Variants in TLN2 observed in about 807,000 individuals in gnomAD.
TLN2 encodes talin-2.
A neutral mutation model predicts 294.7 loss-of-function variants in TLN2; 118 were observed. The ratio of observed to expected loss-of-function variants is 0.40; its 90% CI spans 0.34 to 0.47. The LOEUF is 0.47. Ranked by LOEUF, TLN2 falls within the 20% of genes least tolerant of loss-of-function variation. The pLI is 0.84. For missense variants in TLN2, 3,083 were observed against 3,282.2 expected (o/e 0.94, Z 1.48); for synonymous variants, 1,431 against 1,304.5 (o/e 1.10, Z -2.09).
intron 1 of TLN2, among the ~76,000 whole-genome samples, chr15:62,506,115 G>A (rs1181669402): frequency 2.0e-5 from 3 of 152,210 alleles, no homozygotes; most frequent in Non-Finnish European, 4.4e-5. Context: ...CAAGTTTCCT[G>A]TTAATTTTTC....
intron 3 of TLN2, among the ~76,000 whole-genome samples, chr15:62,619,142 A>G (rs982982124): frequency 1.3e-5 from 2 of 152,116 alleles, no homozygotes; most frequent in Non-Finnish European, 2.9e-5. Context: ...TTTTTTCTCA[A>G]AACAGTATAT....
chr15:62,504,200 G>A lies in TLN2; in HGVS notation c.-237-85487G>A, dbSNP rs865863506. 7.2e-5 allele frequency among the ~76,000 whole-genome samples: 11 copies of A among 152,276 alleles called. No individual in the cohort carries two copies. In the Middle Eastern group the frequency reaches 0.01, roughly 141 times the overall value. On this transcript the variant is annotated intron_variant, in intron 1 of 58. Transcript: ENST00000636159. ...TCTCAAATAAAAGGAAACAGATACC[G>A]TTTTTATAGATTAGAAGACAACATT...
At chr15:62,694,481 C>A in intron 14 of TLN2, 89 bp downstream of exon 14, 1 of 1,057,934 alleles carries the variant, frequency 9.5e-7, no homozygotes, top group East Asian at 2.4e-5. Flanking sequence ...GCTCTGAAGC[C>A]TGTCACCTGG....
At chr15:62,469,327 G>A (rs1276053572) in intron 1 of TLN2, among the ~76,000 whole-genome samples, 2 of 152,204 alleles carry the variant, frequency 1.3e-5, no homozygotes, top group Non-Finnish European at 1.5e-5. Flanking sequence ...AGCACACACA[G>A]TGAATCAGAA....
At chr15:62,417,092 G>A (rs1449061134) in intron 1 of TLN2, among the ~76,000 whole-genome samples, 1 of 152,140 alleles carries the variant, frequency 6.6e-6, no homozygotes, top group African/African-American at 2.4e-5. Context: ...TGGAGATGGC[G>A]TCAGGTGTTA....
intron 1 of TLN2, among the ~76,000 whole-genome samples, chr15:62,500,369 A>G (rs1354513910): frequency 6.6e-6 from 1 of 152,202 alleles, no homozygotes; most frequent in Admixed American, 6.5e-5. Context: ...AAATGAATGC[A>G]GCAGGGCTTT....
intron 1 of TLN2, among the ~76,000 whole-genome samples, chr15:62,562,005 C>T (rs1310837336): frequency 6.6e-6 from 1 of 152,118 alleles, no homozygotes; most frequent in Non-Finnish European, 1.5e-5. Context: ...TTAAATGATA[C>T]CTTTGCTTCT....
intron 3 of TLN2, among the ~76,000 whole-genome samples, chr15:62,623,497 C>G (rs1210970067): frequency 6.6e-6 from 1 of 152,134 alleles, no homozygotes; most frequent in Non-Finnish European, 1.5e-5. Context: ...TCTAAGTTCA[C>G]TCTGTGGTTC....
At chr15:62,736,099 T>G (rs563359632) in intron 28 of TLN2, among the ~76,000 whole-genome samples, 2 of 152,104 alleles carry the variant, frequency 1.3e-5, no homozygotes, top group South Asian at 4.2e-4. Context: ...GATCATGAGG[T>G]CAGGAGATCG....
chr15:62,545,017 C>T (rs1489321125), intron 1 of TLN2, among the ~76,000 whole-genome samples: 2 of 152,020 alleles, frequency 1.3e-5, no homozygotes, highest in African/African-American at 2.4e-5. Context: ...GCAAGCTCCA[C>T]CTCCTGGGCT....
In TLN2 at chr15:62,825,812, ATT is replaced by A. The variant is rs1567687445; in HGVS notation, c.7002+5203_7002+5204del. Reference sequence around the variant, plus strand: ...TATTATAATATATATTATATATTATATTATAATATATATTATAATATATAATA... The same window carrying A: ...TATTATAATATATATTATATATTATAATAATATATATTATAATATATAATA... On this transcript the variant is annotated intron_variant, in intron 54 of 58. Transcript: ENST00000636159. 1.0e-3 allele frequency among the ~76,000 whole-genome samples: 76 copies of A among 75,946 alleles called. 11 individuals carry two copies. Among genetic ancestry groups the A allele is most frequent in the African/African-American group, 6.7e-3 (73 of 10,862 alleles). The allele number at this position is 75,946 out of a possible 152,430, so 49.8% of individuals were successfully genotyped here.
At chr15:62,736,281 C>G (rs2061006115) in intron 28 of TLN2, among the ~76,000 whole-genome samples, 2 of 150,288 alleles carry the variant, frequency 1.3e-5, no homozygotes, top group African/African-American at 4.9e-5. Context: ...GATCGCGCCA[C>G]TGCACTCCAG....
At chr15:62,692,086 GT>G (rs1326556727) in intron 12 of TLN2, among the ~76,000 whole-genome samples, 2 of 152,232 alleles carry the variant, frequency 1.3e-5, no homozygotes, top group Admixed American at 6.5e-5. Context: ...TGCAATGACA[GT>G]TTTATTCTCT....
intron 9 of TLN2, 105 bp downstream of exon 9, chr15:62,658,003 C>G: frequency 2.7e-6 from 3 of 1,128,078 alleles, no homozygotes; most frequent in Non-Finnish European, 3.7e-6. Flanking sequence ...TAATTTCAAT[C>G]ATTTGTGAGA....
intron 14 of TLN2, among the ~76,000 whole-genome samples, chr15:62,695,725 A>G (rs1432782303): frequency 6.6e-6 from 1 of 152,222 alleles, no homozygotes; most frequent in South Asian, 2.1e-4. Context: ...CAAACTTGAT[A>G]TGATAAGTTT....
intron 23 of TLN2, among the ~76,000 whole-genome samples, chr15:62,716,724 A>T (rs1001440014): frequency 1.1e-4 from 16 of 152,162 alleles, no homozygotes; most frequent in African/African-American, 2.9e-4. Context: ...ATTAAAGGAT[A>T]TACACATTCA....
Position 62,836,775 on chromosome 15 carries a change from T to G in TLN2, c.7374+702T>G, listed in dbSNP as rs1051228908. On this transcript the variant is annotated intron_variant, in intron 57 of 58. Coordinates refer to ENST00000636159, the MANE Select transcript of TLN2 (RefSeq NM_015059.3). ...ATCACACAGCCCCAACATCTTCATA[T>G]AGCAAACGTTATCATTGCTTTCTGT... 2.6e-5 allele frequency among the ~76,000 whole-genome samples: 4 copies of G among 152,374 alleles called. No homozygotes were observed. In the South Asian group the frequency reaches 8.3e-4, roughly 32 times the overall value.
chr15:62,832,906 GTTTTGA>G (rs1413570060), intron 54 of TLN2: 2 of 151,670 alleles, frequency 1.3e-5, no homozygotes, highest in Admixed American at 6.6e-5. Flanking sequence ...ATGATCTACT[GTTTTGA>G]TTTTATTATT....
intron 2 of TLN2, among the ~76,000 whole-genome samples, chr15:62,615,774 ATCATATT>A (rs2140838548): frequency 6.6e-6 from 1 of 152,326 alleles, no homozygotes; most frequent in Non-Finnish European, 1.5e-5. Flanking sequence ...AAGGAGTCTC[ATCATATT>A]TATGACCCTT....
Sources: gnomAD v4.1 joint callset for allele counts (sites outside exome capture counted in the v4.1 genomes callset) on GRCh38, gnomAD v4.1.1 for gene constraint, MANE v1.5 for transcripts, NCBI Gene and HGNC (gene_info 2026-07-23, HGNC 2026-07-21) for gene names.